Variants in CLASP2 observed in about 807,000 individuals in gnomAD.
The protein encoded by CLASP2 is CLIP-associating protein 2.
CLASP2 carries 47 observed loss-of-function variants against 194.4 expected under a neutral mutation model. That is an observed-to-expected ratio of 0.24 (90% confidence interval 0.19 to 0.31). CLASP2 has a LOEUF of 0.31. Ranked by LOEUF, CLASP2 falls within the 10% of genes least tolerant of loss-of-function variation. CLASP2 has a pLI of 1.00. For synonymous variants in CLASP2, 619 were observed against 633.5 expected (o/e 0.98, Z 0.34); for missense variants, 1,445 against 1,823.6 (o/e 0.79, Z 3.78).
chr3:33,699,641 T>C (rs2092226001), intron 1 of CLASP2, among the ~76,000 whole-genome samples: 1 of 152,154 alleles, frequency 6.6e-6, no homozygotes, highest in South Asian at 2.1e-4. Context: ...TACTGAGACC[T>C]ATATATAAAT....
At chr3:33,684,237 C>T in intron 6 of CLASP2, 122 bp downstream of exon 6, 1 of 504,940 alleles carries the variant, frequency 2.0e-6, no homozygotes, top group Non-Finnish European at 3.3e-6. Flanking sequence ...AAGAGCAAGA[C>T]TCCATCTCAA....
intron 30 of CLASP2, among the ~76,000 whole-genome samples, chr3:33,545,677 AG>A (rs1285134551): frequency 6.6e-6 from 1 of 152,188 alleles, no homozygotes; most frequent in Non-Finnish European, 1.5e-5. Flanking sequence ...TGGGAGGCAA[AG>A]GCAGGTGGAT....
At chr3:33,717,121 TC>T (rs529953789) in intron 1 of CLASP2, among the ~76,000 whole-genome samples, 11 of 152,010 alleles carry the variant, frequency 7.2e-5, no homozygotes, top group African/African-American at 2.4e-5. Flanking sequence ...TGTAACTTTT[TC>T]CCCCCCAGCA....
At chr3:33,677,949 G>A (rs1322677827) in intron 6 of CLASP2, among the ~76,000 whole-genome samples, 1 of 148,460 alleles carries the variant, frequency 6.7e-6, no homozygotes, top group East Asian at 2.0e-4. Flanking sequence ...AAAAAAAGCT[G>A]GAGATGAAAA....
chr3:33,699,044 A>G (rs1174492334), intron 1 of CLASP2, among the ~76,000 whole-genome samples: 1 of 152,246 alleles, frequency 6.6e-6, no homozygotes, highest in Non-Finnish European at 1.5e-5. Context: ...GAGTCAAAAT[A>G]CAAATAATTT....
intron 1 of CLASP2, among the ~76,000 whole-genome samples, chr3:33,706,481 A>G (rs1357127597): frequency 6.6e-6 from 1 of 152,184 alleles, no homozygotes; most frequent in African/African-American, 2.4e-5. Flanking sequence ...ATTTGGCTCT[A>G]TCTTGTCAAT....
At position 33,608,744 on chromosome 3, in the gene CLASP2, CTTTTTTTT is replaced by C. The variant is rs766687478; in HGVS notation, c.1389-126_1389-119del. 275 of 159,842 alleles carry C rather than the reference CTTTTTTTT, an allele frequency of 1.7e-3. 1 individual carries two copies. Among genetic ancestry groups the C allele is most frequent in the Middle Eastern group, 2.5e-3 (1 of 408 alleles). The allele number at this position is 159,842 out of a possible 1,614,324, so 9.9% of individuals were successfully genotyped here. ...AAGCATAAGACATGTTTTTAGATATCTTTTTTTTTTTTTTTTTTTTTTTTGGAGACAGA... is the reference window on the plus strand; with the variant it reads ...AAGCATAAGACATGTTTTTAGATATCTTTTTTTTTTTTTTTTGGAGACAGA... On this transcript the variant is annotated intron_variant, in intron 13 of 38. Coordinates refer to ENST00000682230, the MANE Select transcript of CLASP2 (RefSeq NM_001365631.1).
At chr3:33,584,548 G>A (rs143768307) in intron 22 of CLASP2, among the ~76,000 whole-genome samples, 2,315 of 151,974 alleles carry the variant, frequency 0.015, 22 homozygotes, top group Non-Finnish European at 0.024. Context: ...TTACAGGCAT[G>A]AGCCACTGTG....
intron 13 of CLASP2, among the ~76,000 whole-genome samples, chr3:33,611,043 A>AACAC (rs754273499): frequency 6.6e-6 from 1 of 152,172 alleles, no homozygotes; most frequent in Admixed American, 6.5e-5. Flanking sequence ...TTTGTGTTAC[A>AACAC]ACACACACAC....
chr3:33,510,545 C>T lies in CLASP2; in HGVS notation c.4317+13G>A, dbSNP rs753549987. On this transcript the variant is annotated intron_variant, in intron 37 of 38. Transcript: ENST00000682230. ...GTATCATGGCTTATTCCTCTCCAAG[C>T]TTTGTTGCTTACCTGTATTAGACCT... The T allele has an allele frequency of 1.2e-6, 2 of 1,612,480 alleles. No homozygotes were observed. Among genetic ancestry groups the T allele is most frequent in the East Asian group, 4.5e-5 (2 of 44,872 alleles).
chr3:33,687,036 G>A (rs770190288), intron 5 of CLASP2, 24 bp downstream of exon 5: 2 of 1,408,268 alleles, frequency 1.4e-6, no homozygotes, highest in South Asian at 1.4e-5. Context: ...ATCAGTCAAT[G>A]CTTGAATGTA....
intron 1 of CLASP2, among the ~76,000 whole-genome samples, chr3:33,702,872 G>T (rs2092464750): frequency 2.0e-5 from 3 of 152,128 alleles, no homozygotes; most frequent in Admixed American, 2.0e-4. Context: ...ATGAAGAAAA[G>T]ATAGTCTTTT....
intron 7 of CLASP2, among the ~76,000 whole-genome samples, chr3:33,652,683 T>C (rs1260046798): frequency 1.3e-5 from 2 of 152,224 alleles, no homozygotes; most frequent in East Asian, 1.9e-4. Flanking sequence ...TCCAGACCTA[T>C]ATATCCAATT....
At chr3:33,617,949 A>AT (rs1330034370) in intron 12 of CLASP2, among the ~76,000 whole-genome samples, 17 of 123,064 alleles carry the variant, frequency 1.4e-4, no homozygotes, top group Admixed American at 1.2e-3. Context: ...ATATATATAT[A>AT]TATTTTTTTT....
At chr3:33,541,738 C>T (rs549483482) in intron 32 of CLASP2, among the ~76,000 whole-genome samples, 2 of 152,272 alleles carry the variant, frequency 1.3e-5, no homozygotes, top group South Asian at 4.1e-4. Context: ...CAGTCTATCA[C>T]TGATAGGCAT....
At chr3:33,636,962 G>C (rs950452244) in intron 8 of CLASP2, among the ~76,000 whole-genome samples, 3 of 152,118 alleles carry the variant, frequency 2.0e-5, no homozygotes, top group Non-Finnish European at 4.4e-5. Flanking sequence ...AACTATCCAA[G>C]AGAGAATAAG....
intron 16 of CLASP2, 111 bp from the exon 17 acceptor site, chr3:33,604,320 C>CT (rs199958865): frequency 0.075 from 42,389 of 562,416 alleles, 186 homozygotes; most frequent in African/African-American, 0.11. Context: ...TTTCTTTTTT[C>CT]TTTTTTTTTT....
chr3:33,716,336 C>T (rs570909100), intron 1 of CLASP2, among the ~76,000 whole-genome samples: 1 of 152,068 alleles, frequency 6.6e-6, no homozygotes, highest in Non-Finnish European at 1.5e-5. Context: ...AACACAGCAC[C>T]GAGTAGAAGT....
At chr3:33,551,497 T>TTA in intron 29 of CLASP2, 102 bp from the exon 30 acceptor site, 1 of 1,174,306 alleles carries the variant, frequency 8.5e-7, no homozygotes, top group Non-Finnish European at 1.2e-6. Context: ...TTTTTTTTTT[T>TTA]ATATACAGAT....
Sources: allele counts gnomAD v4.1 joint callset (sites outside exome capture counted in the v4.1 genomes callset), GRCh38; gene constraint gnomAD v4.1.1; transcripts MANE v1.5; gene names NCBI Gene and HGNC (gene_info 2026-07-23, HGNC 2026-07-21).